CHN2: variants seen among roughly 807,000 people sequenced by gnomAD.
The protein encoded by CHN2 is beta-chimaerin.
A neutral mutation model predicts 56.3 loss-of-function variants in CHN2; 35 were observed. The ratio of observed to expected loss-of-function variants is 0.62; its 90% CI spans 0.47 to 0.82. CHN2 has a LOEUF of 0.82. CHN2 is among the 40% of genes least tolerant of loss of function. The pLI is 0.00. For missense variants in CHN2, 491 were observed against 580.5 expected, an observed-to-expected ratio of 0.85 and a Z score of 1.58; for synonymous variants, 210 against 212.8, an observed-to-expected ratio of 0.99 and a Z score of 0.12.
intron 3 of CHN2, among the ~76,000 whole-genome samples, chr7:29,386,619 G>A (rs1168474287): frequency 6.6e-6 from 1 of 152,140 alleles, no homozygotes; most frequent in Non-Finnish European, 1.5e-5. Flanking sequence ...ACTCATTTAA[G>A]GATTATGCTT....
At chr7:29,176,030 C>G (rs1562809142) in intron 2 of CHN2, among the ~76,000 whole-genome samples, 2 of 151,836 alleles carry the variant, frequency 1.3e-5, no homozygotes, top group Non-Finnish European at 2.9e-5. Context: ...ACTAAAAATA[C>G]AAAAAATTAG....
intron 1 of CHN2, among the ~76,000 whole-genome samples, chr7:29,210,393 A>G (rs1784825635): frequency 6.6e-6 from 1 of 151,850 alleles, no homozygotes; most frequent in Non-Finnish European, 1.5e-5. Flanking sequence ...ACACTATGAA[A>G]CCCAGCACGT....
intron 7 of CHN2, among the ~76,000 whole-genome samples, chr7:29,490,331 C>T (rs1180881698): frequency 5.3e-5 from 8 of 152,124 alleles, no homozygotes; most frequent in Non-Finnish European, 8.8e-5. Context: ...TATCCCCTTC[C>T]GCAGACTTCT....
chr7:29,425,891 G>C (rs766966464), intron 6 of CHN2, among the ~76,000 whole-genome samples: 63 of 152,030 alleles, frequency 4.1e-4, no homozygotes, highest in Non-Finnish European at 8.2e-4. Flanking sequence ...TTTAACTCTT[G>C]GGACTTATCC....
intron 1 of CHN2, among the ~76,000 whole-genome samples, chr7:29,324,839 A>G (rs1413941199): frequency 6.6e-6 from 1 of 152,228 alleles, no homozygotes; most frequent in African/African-American, 2.4e-5. Flanking sequence ...GTACATGGAT[A>G]GTTTTGATAA....
intron 6 of CHN2, among the ~76,000 whole-genome samples, chr7:29,402,818 A>G (rs574790431): frequency 6.6e-6 from 1 of 152,344 alleles, no homozygotes; most frequent in South Asian, 2.1e-4. Flanking sequence ...TTTCTGGACA[A>G]TATTCCTATC....
At chr7:29,201,118 T>C (rs1239574904) in intron 1 of CHN2, among the ~76,000 whole-genome samples, 4 of 152,232 alleles carry the variant, frequency 2.6e-5, no homozygotes, top group Non-Finnish European at 4.4e-5. Context: ...TGTACTGCAG[T>C]GTAAAGTATT....
At chr7:29,403,262 G>C (rs534678029) in intron 6 of CHN2, among the ~76,000 whole-genome samples, 2 of 147,716 alleles carry the variant, frequency 1.4e-5, no homozygotes, top group Non-Finnish European at 3.0e-5. Context: ...GGTCCATTGC[G>C]ATGGAGTCAG....
chr7:29,460,445 T>A (rs929974318), intron 6 of CHN2, among the ~76,000 whole-genome samples: 23 of 152,330 alleles, frequency 1.5e-4, no homozygotes, highest in African/African-American at 5.3e-4. Flanking sequence ...TCTAAGAGGG[T>A]ACCCTTCTAA....
At chr7:29,206,307 GA>G (rs1306500249) in intron 1 of CHN2, among the ~76,000 whole-genome samples, 3 of 152,032 alleles carry the variant, frequency 2.0e-5, no homozygotes, top group Admixed American at 6.6e-5. Flanking sequence ...CCCCAAGATG[GA>G]AAAAACTCTA....
intron 2 of CHN2, among the ~76,000 whole-genome samples, chr7:29,182,345 A>T (rs1191538153): frequency 1.3e-5 from 2 of 152,376 alleles, no homozygotes; most frequent in South Asian, 2.1e-4. Context: ...CAATAATGAA[A>T]TAAGATCATA....
chr7:29,330,382 T>C lies in CHN2; in HGVS notation c.50-24243T>C, dbSNP rs1230480598. Reference sequence around the variant, plus strand: ...TGGGTCATTTCTGTGTGAGTACAGTTGGGAATTGTTACCACTCTGAGAACC... The same window carrying C: ...TGGGTCATTTCTGTGTGAGTACAGTCGGGAATTGTTACCACTCTGAGAACC... On this transcript the variant is annotated intron_variant, in intron 1 of 12. Coordinates refer to ENST00000222792, the MANE Select transcript of CHN2 (RefSeq NM_004067.4). Among the ~76,000 whole-genome samples, 4 of 152,204 alleles carry C rather than the reference T, an allele frequency of 2.6e-5. No individual in the cohort carries two copies. In the East Asian group the frequency reaches 7.7e-4, roughly 29 times the overall value.
At chr7:29,405,161 CCATACACACA>C (rs1802529639) in intron 6 of CHN2, among the ~76,000 whole-genome samples, 3 of 49,872 alleles carry the variant, frequency 6.0e-5, no homozygotes, top group Admixed American at 2.4e-4. Context: ...GCTTATGTCA[CCATACACACA>C]CACACACACA....
upstream of CHN2, chr7:29,191,480 T>C (rs983912051): frequency 2.6e-5 from 4 of 152,234 alleles, no homozygotes; most frequent in Non-Finnish European, 5.9e-5. Context: ...CCCAAGGGCA[T>C]AGGCCACCAT....
At chr7:29,323,258 C>T (rs568896434) in intron 1 of CHN2, among the ~76,000 whole-genome samples, 5 of 150,984 alleles carry the variant, frequency 3.3e-5, no homozygotes, top group Admixed American at 6.6e-5. Context: ...TCTGACCTTT[C>T]AGATGTTTGA....
intron 3 of CHN2, among the ~76,000 whole-genome samples, chr7:29,375,769 C>T (rs1039912570): frequency 1.3e-5 from 2 of 152,086 alleles, no homozygotes; most frequent in Non-Finnish European, 2.9e-5. Context: ...ACCAACCTTA[C>T]TCATCCAAAC....
At chr7:29,177,951 C>T (rs930845703) in intron 2 of CHN2, among the ~76,000 whole-genome samples, 16 of 152,254 alleles carry the variant, frequency 1.1e-4, no homozygotes, top group Non-Finnish European at 1.8e-4. Context: ...CACAAAGTTC[C>T]CCCTCCCCAA....
chr7:29,291,426 T>A (rs938861431), intron 1 of CHN2, among the ~76,000 whole-genome samples: 6 of 152,154 alleles, frequency 3.9e-5, no homozygotes, highest in African/African-American at 1.4e-4. Context: ...TCTGCCTGAC[T>A]CCCTACTGTA....
chr7:29,327,332 C>T (rs1795885837), intron 1 of CHN2, among the ~76,000 whole-genome samples: 1 of 152,176 alleles, frequency 6.6e-6, no homozygotes, highest in African/African-American at 2.4e-5. Context: ...AGATAAGGCT[C>T]AGGAGTTTGT....
Sources: gnomAD v4.1 joint callset for allele counts (sites outside exome capture counted in the v4.1 genomes callset) on GRCh38, gnomAD v4.1.1 for gene constraint, MANE v1.5 for transcripts, NCBI Gene and HGNC (gene_info 2026-07-23, HGNC 2026-07-21) for gene names.